The following OPRM1 variants were observed in gnomAD, a reference collection of about 807,000 sequenced individuals.
OPRM1 encodes the protein opioid receptor mu 1.
A neutral mutation model predicts 31.8 loss-of-function variants in OPRM1; 27 were observed. That is an observed-to-expected ratio of 0.85 (90% confidence interval 0.63 to 1.17). The LOEUF (loss-of-function observed/expected upper bound fraction) is 1.17, where lower values mean the gene tolerates loss of function less well. Ranked by LOEUF, OPRM1 falls within the 50% of genes most tolerant of loss-of-function variation. OPRM1 has a pLI of 0.00. For synonymous variants in OPRM1, 196 were observed against 189.9 expected (o/e 1.03, Z -0.26); for missense variants, 536 against 511.1 (o/e 1.05, Z -0.47).
chr6:154,129,178 G>T lies in OPRM1; in HGVS notation c.*10457G>T, dbSNP rs374388133. Among the ~76,000 whole-genome samples the T allele has an allele frequency of 6.6e-6, 1 of 152,298 alleles. No homozygotes were observed. The highest frequency in any genetic ancestry group is 2.1e-4 in the South Asian group (1 of 4,828). ...CACAACACTAGATTTCACATGAAAG[G>T]GTCGTGATTGATTTGAGCAAGCAAG... is the stretch of plus-strand genomic sequence containing the variant. On this transcript the variant is annotated 3_prime_UTR_variant, in exon 4 of 4. Coordinates refer to ENST00000330432, the MANE Select transcript of OPRM1 (RefSeq NM_000914.5).
intron 3 of OPRM1, chr6:154,159,985 G>C (rs1158409392): frequency 4.3e-6 from 7 of 1,612,766 alleles, no homozygotes; most frequent in Non-Finnish European, 5.9e-6. Flanking sequence ...TTTCCTGGCT[G>C]TCAGCTTCGG....
At chr6:154,027,489 A>G (rs1169798331) in intron 1 of OPRM1, among the ~76,000 whole-genome samples, 2 of 152,204 alleles carry the variant, frequency 1.3e-5, no homozygotes, top group Non-Finnish European at 2.9e-5. Context: ...GCTGTGGCCT[A>G]TGTTCACACA....
chr6:154,086,806 T>C (rs1380856691), intron 1 of OPRM1: 1 of 985,266 alleles, frequency 1.0e-6, no homozygotes, highest in Admixed American at 6.1e-5. Context: ...GAAGCATGTC[T>C]TTAGATCATG....
At chr6:154,029,268 G>A (rs1778873763) in intron 1 of OPRM1, among the ~76,000 whole-genome samples, 1 of 151,402 alleles carries the variant, frequency 6.6e-6, no homozygotes, top group African/African-American at 2.4e-5. Context: ...CAAATTAAAT[G>A]TTTCCTTTAA....
chr6:154,218,172 G>C (rs1188676767), intron 3 of OPRM1, among the ~76,000 whole-genome samples: 3 of 152,172 alleles, frequency 2.0e-5, no homozygotes, highest in Non-Finnish European at 4.4e-5. Context: ...TTACATAAAA[G>C]AAAATGACAG....
upstream of OPRM1, among the ~76,000 whole-genome samples, chr6:154,036,986 A>C (rs1779343282): frequency 6.6e-6 from 1 of 152,018 alleles, no homozygotes; most frequent in South Asian, 2.1e-4. Context: ...GAGAGTAAAT[A>C]AAGTATATTA....
At chr6:154,057,438 G>T (rs568149994) in intron 1 of OPRM1, among the ~76,000 whole-genome samples, 1 of 152,268 alleles carries the variant, frequency 6.6e-6, no homozygotes, top group African/African-American at 2.4e-5. Context: ...GAAAAACACT[G>T]TTCTCAAGGT....
At position 154,118,965 on chromosome 6, in the gene OPRM1, A is replaced by C; in HGVS notation, c.*244A>C. 6 of 1,256,964 alleles carry C rather than the reference A, an allele frequency of 4.8e-6. No individual in the cohort carries two copies. The South Asian group carries it at 8.9e-5, about 19-fold the overall frequency. The allele number at this position is 1,256,964 out of a possible 1,614,324, so 77.9% of individuals were successfully genotyped here. A position where few individuals can be genotyped will look rare whatever the true frequency, so the allele number is the denominator to read the frequency against. Reference sequence around the variant, plus strand: ...GGAGTCCAGTTTGTGCAAGACACCCAGTGGAACCAAAACCCATCGTGGTAT... The same window carrying C: ...GGAGTCCAGTTTGTGCAAGACACCCCGTGGAACCAAAACCCATCGTGGTAT... On this transcript the variant is annotated 3_prime_UTR_variant, in exon 4 of 4. Coordinates refer to ENST00000330432, the MANE Select transcript of OPRM1 (RefSeq NM_000914.5).
intron 3 of OPRM1, among the ~76,000 whole-genome samples, chr6:154,237,875 C>T (rs1429933985): frequency 6.6e-6 from 1 of 151,850 alleles, no homozygotes; most frequent in Non-Finnish European, 1.5e-5. Context: ...TGTGTCAATA[C>T]TTATACATTT....
In OPRM1 at chr6:154,091,479, A is replaced by G. The variant is rs1792197377; in HGVS notation, c.1164+7A>G. ...GGATAGAACTAATCATCAGGTACGC[A>G]GTCTCTAGAATTAGGTATATCTACT... On this transcript the variant is annotated splice_region_variant and intron_variant, in intron 3 of 3. Coordinates refer to ENST00000330432, the MANE Select transcript of OPRM1 (RefSeq NM_000914.5). The G allele has an allele frequency of 1.9e-6, 3 of 1,605,894 alleles. No individual in the cohort carries two copies. The highest frequency in any genetic ancestry group is 3.3e-4 in the Middle Eastern group (2 of 6,030).
chr6:154,079,923 T>C (rs1201974696), intron 1 of OPRM1, among the ~76,000 whole-genome samples: 1 of 152,244 alleles, frequency 6.6e-6, no homozygotes, highest in African/African-American at 2.4e-5. Flanking sequence ...CATACCTCTG[T>C]AATGCTTTCT....
At chr6:154,182,819 T>G (rs1482121138) in intron 3 of OPRM1, among the ~76,000 whole-genome samples, 2 of 151,806 alleles carry the variant, frequency 1.3e-5, no homozygotes. Context: ...TGGGGACAAG[T>G]GAATACAAAA....
downstream of OPRM1, among the ~76,000 whole-genome samples, chr6:154,134,734 A>T (rs1424867859): frequency 1.3e-5 from 2 of 152,216 alleles, no homozygotes; most frequent in African/African-American, 4.8e-5. Flanking sequence ...TGCAAATTGC[A>T]GATAGTTCTC....
At chr6:154,085,370 CAGA>C (rs1790287506) in intron 1 of OPRM1, among the ~76,000 whole-genome samples, 2 of 152,154 alleles carry the variant, frequency 1.3e-5, no homozygotes, top group African/African-American at 4.8e-5. Flanking sequence ...CGATGGTTCT[CAGA>C]AGAACACAAT....
upstream of OPRM1, among the ~76,000 whole-genome samples, chr6:154,037,298 A>C (rs765643737): frequency 3.9e-5 from 6 of 151,914 alleles, no homozygotes; most frequent in Non-Finnish European, 8.8e-5. Context: ...GTGTTTAGGA[A>C]ATTTTGTCAT....
At position 154,119,134 on chromosome 6, in the gene OPRM1, AG is replaced by A. The variant is rs1296477898; in HGVS notation, c.*414del. The A allele has an allele frequency of 4.0e-6, 4 of 991,964 alleles. No homozygotes were observed. In the Admixed American group the frequency reaches 2.4e-4, roughly 60 times the overall value. 61.4% of individuals were successfully genotyped at this position (991,964 alleles called of 1,614,324 possible). The stretch of plus-strand genomic sequence containing the variant: ...TAAAGTAAATGCTACCTCTGATCAA[AG>A]CACCTTGAATGGAAGGTCCGAGTCT... On this transcript the variant is annotated 3_prime_UTR_variant, in exon 4 of 4. Transcript: ENST00000330432.
intron 3 of OPRM1, among the ~76,000 whole-genome samples, chr6:154,195,791 A>ATT (rs34769762): frequency 6.1e-5 from 8 of 130,562 alleles, no homozygotes; most frequent in African/African-American, 1.5e-4. Flanking sequence ...CTTGTTCACA[A>ATT]TTTTTTTTTT....
chr6:154,152,348 G>GA (rs1562510737), intron 3 of OPRM1, among the ~76,000 whole-genome samples: 60 of 2,412 alleles, frequency 0.025, no homozygotes, highest in African/African-American at 0.042. Flanking sequence ...AGAAAGAAAG[G>GA]AAAGAAAGAA....
chr6:154,192,720 T>C (rs1010379788), intron 3 of OPRM1, among the ~76,000 whole-genome samples: 2 of 152,052 alleles, frequency 1.3e-5, no homozygotes, highest in African/African-American at 2.4e-5. Flanking sequence ...GAATAGACAG[T>C]TCTCAAAAGA....
Sources: gnomAD v4.1 joint callset for allele counts (sites outside exome capture counted in the v4.1 genomes callset) on GRCh38, gnomAD v4.1.1 for gene constraint, MANE v1.5 for transcripts, NCBI Gene and HGNC (gene_info 2026-07-23, HGNC 2026-07-21) for gene names.